Variants in NSUN3 observed in about 807,000 individuals in gnomAD.
NSUN3 encodes tRNA (cytosine(34)-C(5))-methyltransferase, mitochondrial.
A neutral mutation model predicts 36.8 loss-of-function variants in NSUN3; 24 were observed. The observed-to-expected ratio is 0.65, with a 90% CI of 0.47 to 0.92. The LOEUF is 0.92. NSUN3 is among the 40% of genes least tolerant of loss of function. NSUN3 has a pLI of 0.00. For missense variants in NSUN3, 381 were observed against 392.8 expected, an observed-to-expected ratio of 0.97 and a Z score of 0.25; for synonymous variants, 146 against 145.2, an observed-to-expected ratio of 1.01 and a Z score of -0.04.
In NSUN3 at chr3:94,128,266, C is replaced by T. The variant is rs910663701; in HGVS notation, c.*1776C>T. The T allele has an allele frequency of 7.2e-5, 11 of 151,754 alleles. No homozygotes were observed. Among genetic ancestry groups the T allele is most frequent in the Non-Finnish European group, 1.3e-4 (9 of 67,928 alleles). The allele number at this position is 151,754 out of a possible 1,614,324, so 9.4% of individuals were successfully genotyped here. A position where few individuals can be genotyped will look rare whatever the true frequency, so the allele number is the denominator to read the frequency against. ...TAGTAATTAAATAAAAATAAAGTAA[C>T]GCTAGAACTGTTGGACCAAATCAAG... On this transcript the variant is annotated 3_prime_UTR_variant, in exon 6 of 6. Coordinates refer to ENST00000314622, the MANE Select transcript of NSUN3 (RefSeq NM_022072.5).
intron 5 of NSUN3, among the ~76,000 whole-genome samples, chr3:94,123,354 C>A (rs1424068735): frequency 6.6e-6 from 1 of 152,174 alleles, no homozygotes; most frequent in African/African-American, 2.4e-5. Flanking sequence ...GAGATATCTG[C>A]AAGTTTCTGG....
chr3:94,069,023 T>C (rs1057057656), intron 2 of NSUN3, among the ~76,000 whole-genome samples: 5 of 152,222 alleles, frequency 3.3e-5, no homozygotes, highest in Admixed American at 6.5e-5. Context: ...AGGTATCTTG[T>C]AGTTGTGGCA....
chr3:94,063,461 T>G (rs1394557305), intron 1 of NSUN3: 1 of 341,412 alleles, frequency 2.9e-6, no homozygotes, highest in Non-Finnish European at 5.3e-6. Flanking sequence ...ACACGTTTCT[T>G]GGATGAATAA....
chr3:94,076,166 C>T (rs546117758), intron 2 of NSUN3: 44 of 1,126,638 alleles, frequency 3.9e-5, no homozygotes, highest in African/African-American at 2.1e-4. Context: ...ATTCAGTCTG[C>T]GATCAGTACC....
chr3:94,122,230 C>G (rs2077466255), intron 5 of NSUN3, among the ~76,000 whole-genome samples: 1 of 151,598 alleles, frequency 6.6e-6, no homozygotes. Context: ...CAAATCTCCC[C>G]TTTAATTTGT....
rs755737439 is a variant in NSUN3, at chr3:94,126,714, G to A, written c.*224G>A. 4.5e-6 allele frequency: 2 copies of A among 446,528 alleles called. No homozygotes were observed. Among genetic ancestry groups the A allele is most frequent in the Non-Finnish European group, 7.9e-6 (2 of 252,552 alleles). The allele number at this position is 446,528 out of a possible 1,614,324, so 27.7% of individuals were successfully genotyped here. A position where few individuals can be genotyped will look rare whatever the true frequency, so the allele number is the denominator to read the frequency against. The stretch of plus-strand genomic sequence containing the variant: ...ATTTAAGGTGGTGCAGATGGTGTTT[G>A]TTCTATATTATAAATCTGCTGTCTT... On this transcript the variant is annotated 3_prime_UTR_variant, in exon 6 of 6. Transcript: ENST00000314622.
At chr3:94,072,615 A>T (rs1280760850) in intron 2 of NSUN3, among the ~76,000 whole-genome samples, 1 of 152,158 alleles carries the variant, frequency 6.6e-6, no homozygotes, top group Non-Finnish European at 1.5e-5. Context: ...GGGGCCGGGC[A>T]TGTGGAGATC....
At chr3:94,077,208 G>C in intron 2 of NSUN3, 1 of 669,306 alleles carries the variant, frequency 1.5e-6, no homozygotes, top group Non-Finnish European at 2.8e-6. Flanking sequence ...TACTGGAGTC[G>C]GGTGTTGCAG....
At chr3:94,104,803 A>G (rs2077379202) in intron 5 of NSUN3, among the ~76,000 whole-genome samples, 1 of 152,216 alleles carries the variant, frequency 6.6e-6, no homozygotes, top group Admixed American at 6.5e-5. Flanking sequence ...TTAGGAAGTT[A>G]TGGAATTTTT....
intron 5 of NSUN3, among the ~76,000 whole-genome samples, chr3:94,109,902 C>G (rs1218378508): frequency 6.6e-6 from 1 of 152,148 alleles, no homozygotes; most frequent in Non-Finnish European, 1.5e-5. Context: ...TTCATTGTTC[C>G]CTTCATCAAA....
chr3:94,108,038 A>G (rs2077397953), intron 5 of NSUN3, among the ~76,000 whole-genome samples: 1 of 143,808 alleles, frequency 7.0e-6, no homozygotes, highest in Non-Finnish European at 1.5e-5. Context: ...TCTATAACAT[A>G]AAAGTTAGAG....
intron 2 of NSUN3, among the ~76,000 whole-genome samples, chr3:94,072,278 A>G (rs568247339): frequency 6.6e-6 from 1 of 152,100 alleles, no homozygotes; most frequent in Non-Finnish European, 1.5e-5. Context: ...CTTCTGTTAG[A>G]CTTTAAAGTC....
chr3:94,105,929 T>A (rs979350023), intron 5 of NSUN3, among the ~76,000 whole-genome samples: 1 of 151,636 alleles, frequency 6.6e-6, no homozygotes, highest in Non-Finnish European at 1.5e-5. Flanking sequence ...GGTTGATAGG[T>A]CAAAGACCCT....
At chr3:94,092,088 G>T (rs754665761) in intron 3 of NSUN3, among the ~76,000 whole-genome samples, 4 of 152,040 alleles carry the variant, frequency 2.6e-5, no homozygotes, top group Admixed American at 6.6e-5. Flanking sequence ...GTACTGTCTG[G>T]TTTTTTTTAG....
At chr3:94,085,231 G>T (rs944647911) in intron 3 of NSUN3, 2 of 152,026 alleles carry the variant, frequency 1.3e-5, no homozygotes, top group African/African-American at 2.4e-5. Context: ...ACAAATATTT[G>T]TTAAAAGTAA....
At chr3:94,076,351 C>A in intron 2 of NSUN3, 1 of 826,176 alleles carries the variant, frequency 1.2e-6, no homozygotes, top group Non-Finnish European at 2.2e-6. Flanking sequence ...AAAGGCAGTT[C>A]ACTTCAGCAG....
chr3:94,085,946 C>CT lies in NSUN3; in HGVS notation c.466+1511dup, dbSNP rs1249632543. On this transcript the variant is annotated intron_variant, in intron 3 of 5. Coordinates refer to ENST00000314622, the MANE Select transcript of NSUN3 (RefSeq NM_022072.5). The stretch of plus-strand genomic sequence containing the variant: ...TCTCAATTACAAAAGGCAGTGTTGC[C>CT]TTTTTTTTTTTTTTTGAGATGGAGT... Among the ~76,000 whole-genome samples the CT allele has an allele frequency of 4.9e-3, 672 of 137,948 alleles. 2 individuals carry two copies. The highest frequency in any genetic ancestry group is 0.014 in the East Asian group (67 of 4,852). 90.5% of individuals were successfully genotyped at this position (137,948 alleles called of 152,430 possible). A position where few individuals can be genotyped will look rare whatever the true frequency, so the allele number is the denominator to read the frequency against.
intron 5 of NSUN3, among the ~76,000 whole-genome samples, chr3:94,116,050 T>C (rs2077438462): frequency 6.6e-6 from 1 of 152,238 alleles, no homozygotes; most frequent in Non-Finnish European, 1.5e-5. Context: ...ATCATTGAAC[T>C]TATGCTATAA....
intron 2 of NSUN3, among the ~76,000 whole-genome samples, chr3:94,077,568 T>C (rs770077149): frequency 6.6e-6 from 1 of 152,230 alleles, no homozygotes; most frequent in Non-Finnish European, 1.5e-5. Context: ...CATCTGGTCC[T>C]GGACTTTTTT....
Sources: gnomAD v4.1 joint callset for allele counts (sites outside exome capture counted in the v4.1 genomes callset) on GRCh38, gnomAD v4.1.1 for gene constraint, MANE v1.5 for transcripts, NCBI Gene and HGNC (gene_info 2026-07-23, HGNC 2026-07-21) for gene names.